The following CDH8 variants were observed in gnomAD, a reference collection of about 807,000 sequenced individuals.
The protein encoded by CDH8 is cadherin 8, also known as cadherin-8.
In CDH8, 17 loss-of-function variants were observed where a neutral mutation model predicts 68.1. That is an observed-to-expected ratio of 0.25 (90% CI 0.17 to 0.37). CDH8 has a LOEUF of 0.37. Among genes scored for constraint, CDH8 ranks in the 10% least tolerant of loss-of-function variants. The pLI is 1.00. For missense variants in CDH8, 763 were observed against 999.3 expected (o/e 0.76, Z 3.19); for synonymous variants, 372 against 365.1 (o/e 1.02, Z -0.21).
chr16:61,988,776 C>T (rs917320042), intron 2 of CDH8, among the ~76,000 whole-genome samples: 3 of 152,064 alleles, frequency 2.0e-5, no homozygotes, highest in African/African-American at 4.8e-5. Flanking sequence ...TCCTTTGAGA[C>T]CATCATTCAT....
intron 2 of CDH8, among the ~76,000 whole-genome samples, chr16:61,964,988 C>T (rs1282713314): frequency 1.3e-5 from 2 of 152,294 alleles, no homozygotes; most frequent in African/African-American, 4.8e-5. Context: ...TCCTCTTATA[C>T]ATCTAGTTCT....
At chr16:62,012,080 G>A (rs1901828664) in intron 2 of CDH8, among the ~76,000 whole-genome samples, 1 of 152,188 alleles carries the variant, frequency 6.6e-6, no homozygotes, top group Non-Finnish European at 1.5e-5. Context: ...GATGGAAAAT[G>A]CTGAACTATT....
intron 8 of CDH8, among the ~76,000 whole-genome samples, chr16:61,744,490 G>C (rs1345264410): frequency 2.0e-5 from 3 of 151,928 alleles, no homozygotes; most frequent in African/African-American, 7.2e-5. Flanking sequence ...TCTGTGATAA[G>C]AGACATGATC....
chr16:61,864,114 T>C lies in CDH8; in HGVS notation c.548-6876A>G. ...ATAAGGCCTGCATTACTTGTTGATG[T>C]TTAAATTATTCCTCACTAGAAGTAG... On this transcript the variant is annotated intron_variant, in intron 3 of 11. Coordinates refer to ENST00000577390, the MANE Select transcript of CDH8 (RefSeq NM_001796.5). Among the ~76,000 whole-genome samples the C allele has an allele frequency of 1.3e-5, 2 of 152,204 alleles. 1 individual carries two copies. The highest frequency in any genetic ancestry group is 2.9e-5 in the Non-Finnish European group (2 of 68,028).
intron 2 of CDH8, among the ~76,000 whole-genome samples, chr16:62,016,031 G>A (rs1381119064): frequency 6.6e-6 from 1 of 152,120 alleles, no homozygotes; most frequent in Non-Finnish European, 1.5e-5. Context: ...ATATAGCCTT[G>A]AACATGCTAT....
At chr16:61,929,581 T>A (rs1031267317) in intron 2 of CDH8, among the ~76,000 whole-genome samples, 5 of 152,146 alleles carry the variant, frequency 3.3e-5, no homozygotes, top group African/African-American at 4.8e-5. Context: ...TGGGAATCAA[T>A]AAATCAATCA....
At chr16:61,837,916 T>C (rs1026377273) in intron 4 of CDH8, among the ~76,000 whole-genome samples, 4 of 151,738 alleles carry the variant, frequency 2.6e-5, no homozygotes, top group Non-Finnish European at 5.9e-5. Flanking sequence ...TAAACAAGAG[T>C]CTGAGTCTGA....
chr16:61,897,446 T>C (rs2143237140), intron 3 of CDH8, among the ~76,000 whole-genome samples: 1 of 152,280 alleles, frequency 6.6e-6, no homozygotes, highest in South Asian at 2.1e-4. Context: ...AGGGACAGGA[T>C]TTCACCATGT....
At chr16:62,020,076 C>T (rs1902035382) in intron 2 of CDH8, among the ~76,000 whole-genome samples, 1 of 152,088 alleles carries the variant, frequency 6.6e-6, no homozygotes, top group Admixed American at 6.6e-5. Flanking sequence ...GAAACATAGT[C>T]CTTGGGGAGG....
intron 7 of CDH8, among the ~76,000 whole-genome samples, chr16:61,795,725 T>C (rs1306844507): frequency 1.3e-5 from 2 of 152,132 alleles, no homozygotes; most frequent in Non-Finnish European, 2.9e-5. Flanking sequence ...CAGAATTCTT[T>C]ATGTGACACT....
chr16:61,809,597 A>C (rs1466212784), intron 7 of CDH8, among the ~76,000 whole-genome samples: 1 of 152,212 alleles, frequency 6.6e-6, no homozygotes, highest in Non-Finnish European at 1.5e-5. Context: ...CTTAAAGCAA[A>C]ATTTAAAAAG....
chr16:62,030,281 T>C (rs1018037333), intron 1 of CDH8, among the ~76,000 whole-genome samples: 1 of 152,208 alleles, frequency 6.6e-6, no homozygotes, highest in Non-Finnish European at 1.5e-5. Context: ...AAAATACGTA[T>C]ACAATCTTCA....
At chr16:61,926,154 T>A (rs12923724) in intron 2 of CDH8, among the ~76,000 whole-genome samples, 1 of 67,706 alleles carries the variant, frequency 1.5e-5, no homozygotes. Context: ...TCAGAAGGGG[T>A]GTGTGTGTGT....
At chr16:61,800,265 A>G (rs1180194800) in intron 7 of CDH8, among the ~76,000 whole-genome samples, 4 of 152,260 alleles carry the variant, frequency 2.6e-5, no homozygotes, top group Non-Finnish European at 5.9e-5. Flanking sequence ...ATTTTTTACC[A>G]AAAATGCTCA....
In CDH8 at chr16:61,960,252, TAC is replaced by T. The variant is rs541010069; in HGVS notation, c.253-58781_253-58780del. 5.9e-5 allele frequency among the ~76,000 whole-genome samples: 6 copies of T among 101,260 alleles called. No individual in the cohort carries two copies. The South Asian group carries it at 8.9e-4, about 15-fold the overall frequency. The allele number at this position is 101,260 out of a possible 152,430, so 66.4% of individuals were successfully genotyped here. ...ACACATATATACATGTGTGTGTGTA[TAC>T]ACATACATATATACGTGTGTGTGTA... On this transcript the variant is annotated intron_variant, in intron 2 of 11. Transcript: ENST00000577390.
intron 8 of CDH8, among the ~76,000 whole-genome samples, chr16:61,740,790 A>G (rs1481265077): frequency 6.6e-6 from 1 of 152,034 alleles, no homozygotes; most frequent in Non-Finnish European, 1.5e-5. Context: ...CTGTTCTCTT[A>G]TTGGTGGGCA....
At chr16:61,959,743 A>AT (rs1965054571) in intron 2 of CDH8, among the ~76,000 whole-genome samples, 1 of 149,962 alleles carries the variant, frequency 6.7e-6, no homozygotes, top group Non-Finnish European at 1.5e-5. Flanking sequence ...CATATGTATG[A>AT]TATCTATATA....
At chr16:61,996,234 CAA>C (rs368199139) in intron 2 of CDH8, among the ~76,000 whole-genome samples, 48 of 152,270 alleles carry the variant, frequency 3.2e-4, no homozygotes, top group Non-Finnish European at 4.7e-4. Context: ...ATAACAGCAT[CAA>C]GGCTGAGGTT....
intron 10 of CDH8, chr16:61,693,036 C>G (rs1172621524): frequency 6.6e-6 from 1 of 151,814 alleles, no homozygotes; most frequent in Non-Finnish European, 1.5e-5. Flanking sequence ...ATTTTCCAGA[C>G]AAGATGTTGA....
Sources: allele counts gnomAD v4.1 joint callset (sites outside exome capture counted in the v4.1 genomes callset), GRCh38; gene constraint gnomAD v4.1.1; transcripts MANE v1.5; gene names NCBI Gene and HGNC (gene_info 2026-07-23, HGNC 2026-07-21).